Variants in MECOM observed in about 807,000 individuals in gnomAD.
MECOM encodes histone-lysine N-methyltransferase MECOM.
Under a neutral mutation model 116.3 loss-of-function variants are expected in MECOM, and 13 were observed. The observed-to-expected ratio is 0.11, with a 90% CI of 0.07 to 0.18. MECOM has a LOEUF of 0.18. Among genes scored for constraint, MECOM ranks in the 10% least tolerant of loss-of-function variants. MECOM has a pLI of 1.00. For missense variants in MECOM, 1,299 were observed against 1,509.0 expected (o/e 0.86, Z 2.31); for synonymous variants, 528 against 535.2 (o/e 0.99, Z 0.19).
At chr3:169,208,228 T>A (rs765247512) in intron 2 of MECOM, among the ~76,000 whole-genome samples, 18 of 149,886 alleles carry the variant, frequency 1.2e-4, no homozygotes, top group Non-Finnish European at 2.5e-4. Context: ...TGTGTGTGTG[T>A]ATATTTATAT....
rs138896180 is a variant in MECOM, at chr3:169,208,429, A to G, written c.376-64597T>C. ...TTATCTGTCTATAAAACAAAAGCTC[A>G]TAACAGCTTCTGTTTATAATTCAAG... On this transcript the variant is annotated intron_variant, in intron 2 of 16. Transcript: ENST00000651503. 7.0e-4 allele frequency among the ~76,000 whole-genome samples: 106 copies of G among 151,778 alleles called. 1 individual carries two copies. Among genetic ancestry groups the G allele is most frequent in the African/African-American group, 2.5e-3 (105 of 41,458 alleles).
intron 2 of MECOM, chr3:169,147,778 GAT>G: frequency 5.4e-6 from 5 of 924,412 alleles, no homozygotes; most frequent in Non-Finnish European, 5.1e-6. Context: ...GAGAGAGAGA[GAT>G]GGGGGATGGG....
At position 169,638,203 on chromosome 3, in the gene MECOM, G is replaced by T. The variant is rs550615342; in HGVS notation, c.37+25133C>A. ...CAGAGCACTTTAAAGTCTTCCCCTA[G>T]CATTAGTACTACATTTCAAATTTTG... On this transcript the variant is annotated intron_variant, in intron 1 of 16. Coordinates refer to ENST00000651503, the MANE Select transcript of MECOM (RefSeq NM_004991.4). 5.9e-5 allele frequency among the ~76,000 whole-genome samples: 9 copies of T among 152,186 alleles called. No homozygotes were observed. The South Asian group carries it at 1.9e-3, about 32-fold the overall frequency.
intron 5 of MECOM, among the ~76,000 whole-genome samples, chr3:169,126,882 A>G (rs1392950026): frequency 2.0e-5 from 3 of 152,152 alleles, no homozygotes; most frequent in Non-Finnish European, 4.4e-5. Flanking sequence ...TGGACTGTCA[A>G]AGACAAAATC....
At chr3:169,565,396 C>T (rs996104175) in intron 1 of MECOM, among the ~76,000 whole-genome samples, 2 of 152,138 alleles carry the variant, frequency 1.3e-5, no homozygotes, top group Non-Finnish European at 2.9e-5. Context: ...CCCGGGCTTT[C>T]CTCGGATCCA....
intron 1 of MECOM, among the ~76,000 whole-genome samples, chr3:169,476,627 C>A (rs988293981): frequency 6.6e-6 from 1 of 152,124 alleles, no homozygotes; most frequent in Non-Finnish European, 1.5e-5. Flanking sequence ...CGTTAGTCAC[C>A]TAAGCATGCC....
intron 1 of MECOM, among the ~76,000 whole-genome samples, chr3:169,601,836 A>G (rs577888926): frequency 6.6e-6 from 1 of 152,376 alleles, no homozygotes. Flanking sequence ...TTCTACATGT[A>G]GGTTAAAGGT....
intron 1 of MECOM, among the ~76,000 whole-genome samples, chr3:169,487,033 T>C (rs1472910042): frequency 2.6e-5 from 4 of 152,142 alleles, no homozygotes; most frequent in African/African-American, 7.2e-5. Flanking sequence ...TGATATCTCA[T>C]GTCTTTCTTT....
At chr3:169,512,554 T>G (rs1292729553) in intron 1 of MECOM, among the ~76,000 whole-genome samples, 1 of 152,246 alleles carries the variant, frequency 6.6e-6, no homozygotes, top group East Asian at 1.9e-4. Context: ...CAGAGGGTCC[T>G]TTCTCAGCCC....
intron 2 of MECOM, among the ~76,000 whole-genome samples, chr3:169,262,071 G>C (rs898222622): frequency 6.6e-6 from 1 of 152,130 alleles, no homozygotes; most frequent in Non-Finnish European, 1.5e-5. Context: ...CTAGGAGCTT[G>C]GAATAAACTA....
At chr3:169,355,322 TA>T (rs1353926277) in intron 2 of MECOM, among the ~76,000 whole-genome samples, 7 of 152,006 alleles carry the variant, frequency 4.6e-5, no homozygotes, top group Non-Finnish European at 7.4e-5. Flanking sequence ...CATTGTATGT[TA>T]ATGTCCTTGG....
intron 1 of MECOM, among the ~76,000 whole-genome samples, chr3:169,551,241 A>G (rs1449119937): frequency 1.3e-5 from 2 of 152,124 alleles, no homozygotes; most frequent in Non-Finnish European, 2.9e-5. Flanking sequence ...GTCTACTTCT[A>G]TGTGCACCAT....
chr3:169,299,041 A>G (rs916703305), intron 2 of MECOM, among the ~76,000 whole-genome samples: 1 of 152,140 alleles, frequency 6.6e-6, no homozygotes, highest in Non-Finnish European at 1.5e-5. Context: ...TGCAAGTTTC[A>G]TGAATATTTA....
At chr3:169,531,783 T>C (rs1758659661) in intron 1 of MECOM, among the ~76,000 whole-genome samples, 1 of 152,244 alleles carries the variant, frequency 6.6e-6, no homozygotes, top group African/African-American at 2.4e-5. Flanking sequence ...AAAATAGCTT[T>C]ATTAATCTAC....
At chr3:169,126,372 T>C (rs1397225303) in intron 5 of MECOM, among the ~76,000 whole-genome samples, 1 of 152,124 alleles carries the variant, frequency 6.6e-6, no homozygotes, top group Non-Finnish European at 1.5e-5. Flanking sequence ...GAAATGGACT[T>C]TATTTCTGAC....
chr3:169,268,535 A>T (rs1758570896), intron 2 of MECOM, among the ~76,000 whole-genome samples: 1 of 152,224 alleles, frequency 6.6e-6, no homozygotes, highest in African/African-American at 2.4e-5. Flanking sequence ...TTGTTCTTGT[A>T]CTGAGGAATT....
intron 1 of MECOM, 78 bp from the exon 2 acceptor site, chr3:169,381,602 T>A: frequency 9.2e-7 from 1 of 1,089,194 alleles, no homozygotes; most frequent in Non-Finnish European, 1.3e-6. Flanking sequence ...CACCTTATTA[T>A]GTTGTTCTTT....
chr3:169,149,576 A>G (rs1188175231), intron 2 of MECOM: 4 of 365,520 alleles, frequency 1.1e-5, no homozygotes, highest in African/African-American at 8.5e-5. Context: ...CGCCGGCAAC[A>G]CAGCTCTGCC....
At chr3:169,231,145 G>A (rs1048254384) in intron 2 of MECOM, among the ~76,000 whole-genome samples, 1 of 152,022 alleles carries the variant, frequency 6.6e-6, no homozygotes, top group Non-Finnish European at 1.5e-5. Context: ...TACAATTGTA[G>A]TCTTTTTCTG....
Sources: gnomAD v4.1 joint callset for allele counts (sites outside exome capture counted in the v4.1 genomes callset) on GRCh38, gnomAD v4.1.1 for gene constraint, MANE v1.5 for transcripts, NCBI Gene and HGNC (gene_info 2026-07-23, HGNC 2026-07-21) for gene names.